Variants in ADGRL2 observed in about 807,000 individuals in gnomAD.
The protein encoded by ADGRL2 is adhesion G protein-coupled receptor L2.
ADGRL2 carries 44 observed loss-of-function variants against 157.4 expected under a neutral mutation model. That is an observed-to-expected ratio of 0.28 (90% CI 0.22 to 0.36). The LOEUF is 0.36. Among genes scored for constraint, ADGRL2 ranks in the 10% least tolerant of loss-of-function variants. The pLI, the probability that ADGRL2 is intolerant of heterozygous loss-of-function variation, is 1.00. For missense variants in ADGRL2, 1,510 were observed against 1,768.9 expected, an observed-to-expected ratio of 0.85 and a Z score of 2.63; for synonymous variants, 585 against 624.7, an observed-to-expected ratio of 0.94 and a Z score of 0.95.
chr1:81,854,648 G>A (rs1184500898), intron 2 of ADGRL2, among the ~76,000 whole-genome samples: 2 of 152,152 alleles, frequency 1.3e-5, no homozygotes, highest in African/African-American at 4.8e-5. Flanking sequence ...TTATCTTAAA[G>A]GAACTTAACA....
chr1:81,770,666 T>C (rs2086329387), intron 2 of ADGRL2, among the ~76,000 whole-genome samples: 1 of 150,654 alleles, frequency 6.6e-6, no homozygotes, highest in South Asian at 2.1e-4. Context: ...AGAGATGGGG[T>C]TTCTCCATGT....
chr1:81,456,777 A>T (rs2077816846), intron 2 of ADGRL2, among the ~76,000 whole-genome samples: 1 of 152,064 alleles, frequency 6.6e-6, no homozygotes, highest in South Asian at 2.1e-4. Context: ...GCCCTCCCAC[A>T]AAATAGTTCT....
intron 19 of ADGRL2, among the ~76,000 whole-genome samples, chr1:81,982,366 A>G (rs540073849): frequency 6.6e-6 from 1 of 152,126 alleles, no homozygotes; most frequent in South Asian, 2.1e-4. Context: ...TAATTTTTAA[A>G]GCACCAGACA....
chr1:81,755,731 T>C (rs575546069), intron 1 of ADGRL2, among the ~76,000 whole-genome samples: 1 of 152,218 alleles, frequency 6.6e-6, no homozygotes, highest in Admixed American at 6.6e-5. Context: ...TAGCATACTT[T>C]TCATGAGCTT....
chr1:81,594,342 C>T (rs1284703883), intron 3 of ADGRL2, among the ~76,000 whole-genome samples: 1 of 152,166 alleles, frequency 6.6e-6, no homozygotes, highest in Non-Finnish European at 1.5e-5. Flanking sequence ...TAATGAAACT[C>T]TTCTTTTAGT....
At chr1:81,353,506 G>A (rs565971484) in intron 1 of ADGRL2, among the ~76,000 whole-genome samples, 108 of 152,194 alleles carry the variant, frequency 7.1e-4, no homozygotes, top group African/African-American at 2.4e-3. Flanking sequence ...CTGCAAATGA[G>A]AATTTCAGGG....
At chr1:81,682,438 A>G (rs1045906705) in intron 3 of ADGRL2, among the ~76,000 whole-genome samples, 1 of 152,150 alleles carries the variant, frequency 6.6e-6, no homozygotes, top group African/African-American at 2.4e-5. Flanking sequence ...CCATACCTCT[A>G]CTATGTTTCA....
chr1:81,777,360 G>A (rs1199141367), intron 2 of ADGRL2, among the ~76,000 whole-genome samples: 1 of 152,152 alleles, frequency 6.6e-6, no homozygotes, highest in Non-Finnish European at 1.5e-5. Flanking sequence ...GAGTACTGTT[G>A]CTAAGTCACA....
At chr1:81,572,024 T>C (rs1013503324) in intron 2 of ADGRL2, among the ~76,000 whole-genome samples, 33 of 152,218 alleles carry the variant, frequency 2.2e-4, no homozygotes, top group African/African-American at 7.5e-4. Context: ...TATTGAAAGA[T>C]AATTGAAGAT....
At chr1:81,438,450 A>C (rs72940917) in intron 1 of ADGRL2, among the ~76,000 whole-genome samples, 3,583 of 152,314 alleles carry the variant, frequency 0.024, 69 homozygotes, top group African/African-American at 0.042. Context: ...TTTATCTATT[A>C]TATCAACATG....
chr1:81,387,352 A>G (rs938438583), intron 1 of ADGRL2, among the ~76,000 whole-genome samples: 3 of 152,156 alleles, frequency 2.0e-5, no homozygotes, highest in Non-Finnish European at 2.9e-5. Flanking sequence ...TCTGTCATAA[A>G]CTTTTAGAAA....
chr1:81,388,708 G>A (rs935876798), intron 1 of ADGRL2, among the ~76,000 whole-genome samples: 6 of 152,060 alleles, frequency 3.9e-5, no homozygotes, highest in African/African-American at 1.2e-4. Flanking sequence ...TCGGATCTGC[G>A]GGTACCTTGA....
At chr1:81,889,500 A>T (rs1033513263) in intron 2 of ADGRL2, among the ~76,000 whole-genome samples, 1 of 152,208 alleles carries the variant, frequency 6.6e-6, no homozygotes, top group African/African-American at 2.4e-5. Context: ...GAAGATGTGG[A>T]GGAAAGTTTA....
At chr1:81,628,447 T>G (rs772089414) in intron 3 of ADGRL2, among the ~76,000 whole-genome samples, 1 of 152,136 alleles carries the variant, frequency 6.6e-6, no homozygotes, top group Non-Finnish European at 1.5e-5. Flanking sequence ...AACTCTTGAT[T>G]GGTATAAATC....
intron 1 of ADGRL2, among the ~76,000 whole-genome samples, chr1:81,380,128 C>T (rs947124761): frequency 6.6e-6 from 1 of 152,128 alleles, no homozygotes; most frequent in Non-Finnish European, 1.5e-5. Flanking sequence ...TTTCAGAAGC[C>T]TGAGCTACAA....
At chr1:81,766,901 A>C (rs1346726020) in intron 2 of ADGRL2, among the ~76,000 whole-genome samples, 1 of 151,722 alleles carries the variant, frequency 6.6e-6, no homozygotes, top group Non-Finnish European at 1.5e-5. Context: ...ATGTACCACC[A>C]ACCAGTTTAA....
At chr1:81,682,045 T>C (rs2083129456) in intron 3 of ADGRL2, among the ~76,000 whole-genome samples, 1 of 152,090 alleles carries the variant, frequency 6.6e-6, no homozygotes, top group Non-Finnish European at 1.5e-5. Flanking sequence ...ACCTTCCAGA[T>C]TTTGGTTTGG....
At chr1:81,348,083 A>C (rs751086955) in intron 1 of ADGRL2, among the ~76,000 whole-genome samples, 4 of 152,208 alleles carry the variant, frequency 2.6e-5, no homozygotes, top group Non-Finnish European at 5.9e-5. Context: ...AGGCCAAGTG[A>C]GTAGGGCCAC....
At chr1:81,669,553 C>T (rs2082823929) in intron 3 of ADGRL2, among the ~76,000 whole-genome samples, 1 of 152,036 alleles carries the variant, frequency 6.6e-6, no homozygotes, top group Non-Finnish European at 1.5e-5. Flanking sequence ...TTATAATCTA[C>T]CTGAAGAGAC....
Sources: allele counts gnomAD v4.1 joint callset (sites outside exome capture counted in the v4.1 genomes callset), GRCh38; gene constraint gnomAD v4.1.1; transcripts MANE v1.5; gene names NCBI Gene and HGNC (gene_info 2026-07-23, HGNC 2026-07-21).